The following PCDH15 variants were observed in gnomAD, a reference collection of about 807,000 sequenced individuals.
PCDH15 encodes protocadherin-15.
PCDH15 carries 129 observed loss-of-function variants against 178.5 expected under a neutral mutation model. That is an observed-to-expected ratio of 0.72 (90% confidence interval 0.63 to 0.84). PCDH15 has a LOEUF of 0.84. PCDH15 is among the 40% of genes least tolerant of loss of function. The probability of loss-of-function intolerance (pLI) is 0.00; values close to 1 mark genes in which losing one functional copy is unlikely to be tolerated. For missense variants in PCDH15, 2,230 were observed against 2,099.9 expected (o/e 1.06, Z -1.21); for synonymous variants, 800 against 732.0 (o/e 1.09, Z -1.50).
At chr10:54,276,519 G>A (rs2058359080) in intron 8 of PCDH15, among the ~76,000 whole-genome samples, 1 of 151,686 alleles carries the variant, frequency 6.6e-6, no homozygotes, top group South Asian at 2.1e-4. Flanking sequence ...GTGATTTCAT[G>A]AGTATATAGC....
intron 2 of PCDH15, among the ~76,000 whole-genome samples, chr10:54,947,612 T>C (rs1055694673): frequency 3.3e-5 from 5 of 151,950 alleles, no homozygotes; most frequent in African/African-American, 1.2e-4. Context: ...TGTGTGTGTG[T>C]GCACATGTGT....
chr10:55,287,769 A>C (rs1045034056), intron 1 of PCDH15, among the ~76,000 whole-genome samples: 4 of 152,000 alleles, frequency 2.6e-5, no homozygotes, highest in Admixed American at 1.3e-4. Flanking sequence ...AAGGGAAGTG[A>C]ATTGTAAAAT....
At chr10:55,118,145 G>A (rs553344727) in intron 2 of PCDH15, among the ~76,000 whole-genome samples, 2 of 152,124 alleles carry the variant, frequency 1.3e-5, no homozygotes, top group African/African-American at 4.8e-5. Context: ...AGAAGTTGAG[G>A]AACACTCTCA....
chr10:54,779,458 ATGTG>A (rs373851829), intron 1 of PCDH15, among the ~76,000 whole-genome samples: 2 of 57,232 alleles, frequency 3.5e-5, no homozygotes, highest in Non-Finnish European at 7.5e-5. Flanking sequence ...ACACTCATAT[ATGTG>A]TGTATATATA....
chr10:54,018,899 T>C (rs2092825358), intron 20 of PCDH15, among the ~76,000 whole-genome samples: 1 of 152,114 alleles, frequency 6.6e-6, no homozygotes, highest in Admixed American at 6.6e-5. Context: ...GGGTAGAACA[T>C]AGATACAACT....
Position 54,378,921 on chromosome 10 carries a change from A to G in PCDH15, c.179T>C (p.Met60Thr). Residue 60 changes from methionine (M) to threonine (T), a missense_variant, in exon 4 of 38, where the codon ATG becomes ACG. By Grantham distance (81) the Met-to-Thr change is moderately conservative. Transcript: ENST00000644397. ...SRNGTILVDNMLIKGTAGGPD... is the reference protein window; with the variant it reads ...SRNGTILVDNTLIKGTAGGPD... ...TCCTCCAGCAGTCCCTTTGATCAGC[A>G]TGTTGTCCACCAGAATTGTACCTGC... 1 of 1,613,798 alleles carries G rather than the reference A, an allele frequency of 6.2e-7. No individual in the cohort carries two copies. Among genetic ancestry groups the G allele is most frequent in the Non-Finnish European group, 8.5e-7 (1 of 1,179,808 alleles).
intron 2 of PCDH15, chr10:54,600,355 G>A (rs1382399212): frequency 1.9e-6 from 1 of 539,030 alleles, no homozygotes; most frequent in South Asian, 1.5e-5. Context: ...AGAGGTAGAA[G>A]GAAAAGAGAA....
chr10:55,524,119 T>G (rs1232520443), intron 2 of PCDH15, among the ~76,000 whole-genome samples: 2 of 151,664 alleles, frequency 1.3e-5, no homozygotes, highest in Non-Finnish European at 3.0e-5. Context: ...GCTACTTTCT[T>G]ATTCTTTATT....
At chr10:53,991,331 C>G (rs2091466723) in intron 21 of PCDH15, among the ~76,000 whole-genome samples, 1 of 152,190 alleles carries the variant, frequency 6.6e-6, no homozygotes, top group African/African-American at 2.4e-5. Context: ...TGTACATGCA[C>G]CAATCAGCAC....
intron 2 of PCDH15, among the ~76,000 whole-genome samples, chr10:54,585,247 TC>T (rs1370844842): frequency 6.6e-6 from 1 of 152,106 alleles, no homozygotes; most frequent in East Asian, 1.9e-4. Context: ...GGAATATCTA[TC>T]CTGTGCGGTT....
At chr10:55,371,857 A>C (rs966530780) in intron 2 of PCDH15, among the ~76,000 whole-genome samples, 1 of 152,172 alleles carries the variant, frequency 6.6e-6, no homozygotes, top group African/African-American at 2.4e-5. Context: ...AAATTTAATC[A>C]GTTACTAAGT....
At chr10:54,164,966 C>A (rs2046073549) in intron 13 of PCDH15, among the ~76,000 whole-genome samples, 1 of 152,164 alleles carries the variant, frequency 6.6e-6, no homozygotes, top group South Asian at 2.1e-4. Context: ...CCTAAGGCTG[C>A]TGCTCATTAA....
At chr10:54,061,725 T>C (rs1159108018) in intron 18 of PCDH15, among the ~76,000 whole-genome samples, 1 of 152,122 alleles carries the variant, frequency 6.6e-6, no homozygotes, top group East Asian at 1.9e-4. Context: ...TTTGAGTATA[T>C]CTTTTCATAC....
intron 2 of PCDH15, among the ~76,000 whole-genome samples, chr10:54,636,177 C>G (rs1183464308): frequency 6.6e-6 from 1 of 151,936 alleles, no homozygotes; most frequent in African/African-American, 2.4e-5. Context: ...AAACATTAGA[C>G]TAATCATCAA....
At chr10:55,361,537 A>T (rs1456190764) in intron 2 of PCDH15, among the ~76,000 whole-genome samples, 1 of 151,994 alleles carries the variant, frequency 6.6e-6, no homozygotes, top group Non-Finnish European at 1.5e-5. Context: ...CTTTGATTTG[A>T]TTTAAAAAGT....
intron 21 of PCDH15, among the ~76,000 whole-genome samples, chr10:53,980,441 T>C (rs1266034056): frequency 2.1e-5 from 3 of 141,104 alleles, no homozygotes; most frequent in African/African-American, 7.9e-5. Flanking sequence ...TCTCGAATAT[T>C]ACAGTGCCAT....
chr10:54,424,607 C>T (rs1195184961), intron 3 of PCDH15, among the ~76,000 whole-genome samples: 2 of 149,620 alleles, frequency 1.3e-5, no homozygotes, highest in African/African-American at 5.1e-5. Context: ...TTGGAACCAA[C>T]CCACATGTCC....
At chr10:54,927,249 GAAAT>G (rs1485468021) in intron 2 of PCDH15, among the ~76,000 whole-genome samples, 1 of 151,984 alleles carries the variant, frequency 6.6e-6, no homozygotes, top group Non-Finnish European at 1.5e-5. Context: ...TGGTTTTCAG[GAAAT>G]ATCTTTGTCT....
chr10:54,742,378 C>G (rs760031609), intron 1 of PCDH15, among the ~76,000 whole-genome samples: 8 of 151,926 alleles, frequency 5.3e-5, no homozygotes, highest in Non-Finnish European at 1.0e-4. Flanking sequence ...AACATGAAGA[C>G]AGTTAACATA....
Sources: gnomAD v4.1 joint callset for allele counts (sites outside exome capture counted in the v4.1 genomes callset) on GRCh38, gnomAD v4.1.1 for gene constraint, MANE v1.5 for transcripts, NCBI Gene and HGNC (gene_info 2026-07-23, HGNC 2026-07-21) for gene names.